The following IQCJ variants were observed in gnomAD, a reference collection of about 807,000 sequenced individuals.
The protein encoded by IQCJ is IQ domain-containing protein J.
In IQCJ, 9 loss-of-function variants were observed where a neutral mutation model predicts 11.0. The ratio of observed to expected loss-of-function variants is 0.82; its 90% CI spans 0.49 to 1.43. The LOEUF is 1.43. Among genes scored for constraint, IQCJ ranks in the 40% most tolerant of loss-of-function variants. The probability of loss-of-function intolerance (pLI) is 0.00; values close to 1 mark genes in which losing one functional copy is unlikely to be tolerated. For missense variants in IQCJ, 146 were observed against 133.2 expected, an observed-to-expected ratio of 1.10 and a Z score of -0.47; for synonymous variants, 55 against 51.3, an observed-to-expected ratio of 1.07 and a Z score of -0.31.
chr3:159,146,487 C>T (rs1321423316), intron 1 of IQCJ, among the ~76,000 whole-genome samples: 3 of 152,092 alleles, frequency 2.0e-5, no homozygotes, highest in Non-Finnish European at 2.9e-5. Flanking sequence ...CTTCACTTCA[C>T]GATGCAAGCT....
At chr3:159,194,953 G>C (rs547879062) in intron 1 of IQCJ, among the ~76,000 whole-genome samples, 8 of 152,018 alleles carry the variant, frequency 5.3e-5, no homozygotes, top group African/African-American at 1.9e-4. Context: ...TCTTCTGAAA[G>C]TACAAAAATT....
intron 1 of IQCJ, among the ~76,000 whole-genome samples, chr3:159,210,266 G>C (rs1300375417): frequency 6.6e-6 from 1 of 152,202 alleles, no homozygotes; most frequent in Non-Finnish European, 1.5e-5. Flanking sequence ...TTGAAACAAT[G>C]TCAGTAATAA....
chr3:159,252,624 A>T, intron 2 of IQCJ, 103 bp from the exon 3 acceptor site: 1 of 1,017,678 alleles, frequency 9.8e-7, no homozygotes. Context: ...AACAAAATTG[A>T]ATCTACATCT....
intron 1 of IQCJ, among the ~76,000 whole-genome samples, chr3:159,071,888 A>G (rs1418937624): frequency 6.6e-6 from 1 of 152,150 alleles, no homozygotes; most frequent in African/African-American, 2.4e-5. Context: ...TAGTTTCCCT[A>G]TTATGTGACC....
At chr3:159,165,374 G>A (rs147760578) in intron 1 of IQCJ, among the ~76,000 whole-genome samples, 227 of 152,298 alleles carry the variant, frequency 1.5e-3, no homozygotes, top group African/African-American at 5.3e-3. Context: ...GCTCAACTCA[G>A]GGACTGACTC....
chr3:159,075,306 T>C (rs1035702056), intron 1 of IQCJ, among the ~76,000 whole-genome samples: 5 of 152,110 alleles, frequency 3.3e-5, no homozygotes, highest in African/African-American at 7.2e-5. Flanking sequence ...AAAACCCTTG[T>C]AGGAATATTA....
At chr3:159,134,542 A>G (rs1037953734) in intron 1 of IQCJ, among the ~76,000 whole-genome samples, 2 of 152,202 alleles carry the variant, frequency 1.3e-5, no homozygotes, top group African/African-American at 4.8e-5. Context: ...AACCACATTT[A>G]TACAAAGAAG....
At chr3:159,206,597 T>G (rs1233047091) in intron 1 of IQCJ, among the ~76,000 whole-genome samples, 1 of 152,234 alleles carries the variant, frequency 6.6e-6, no homozygotes, top group Non-Finnish European at 1.5e-5. Context: ...GTGGATAATG[T>G]GTGTTCATCT....
chr3:159,160,909 A>C (rs1385507104), intron 1 of IQCJ, among the ~76,000 whole-genome samples: 1 of 152,128 alleles, frequency 6.6e-6, no homozygotes, highest in Non-Finnish European at 1.5e-5. Context: ...TATATGCCAC[A>C]CTTTCTTATT....
chr3:159,076,650 G>A (rs1576986782), intron 1 of IQCJ, among the ~76,000 whole-genome samples: 1 of 152,216 alleles, frequency 6.6e-6, no homozygotes, highest in East Asian at 1.9e-4. Context: ...CTCTGGAACA[G>A]GAATAATACT....
chr3:159,189,087 T>A (rs1723536387), intron 1 of IQCJ, among the ~76,000 whole-genome samples: 1 of 152,248 alleles, frequency 6.6e-6, no homozygotes, highest in South Asian at 2.1e-4. Context: ...TCTGTAAGGT[T>A]CCACATTATG....
chr3:159,125,628 A>T (rs549198459), intron 1 of IQCJ, among the ~76,000 whole-genome samples: 1 of 152,340 alleles, frequency 6.6e-6, no homozygotes, highest in Admixed American at 6.5e-5. Flanking sequence ...TTATTTTTTT[A>T]AAAAGGCAAG....
chr3:159,102,615 A>C (rs903684033), intron 1 of IQCJ, among the ~76,000 whole-genome samples: 1 of 152,190 alleles, frequency 6.6e-6, no homozygotes, highest in African/African-American at 2.4e-5. Context: ...TGGCATTTCT[A>C]ATACATTACT....
chr3:159,092,298 G>T (rs1360233197), intron 1 of IQCJ, among the ~76,000 whole-genome samples: 1 of 151,826 alleles, frequency 6.6e-6, no homozygotes, highest in Non-Finnish European at 1.5e-5. Context: ...GGTATCTTTG[G>T]GACTGTTATA....
Position 159,114,159 on chromosome 3 carries a change from C to G in IQCJ, c.9+44718C>G, listed in dbSNP as rs532559740. Among the ~76,000 whole-genome samples the G allele has an allele frequency of 3.9e-5, 6 of 152,256 alleles. No homozygotes were observed. The South Asian group carries it at 1.2e-3, about 32-fold the overall frequency. On this transcript the variant is annotated intron_variant, in intron 1 of 3. Transcript: ENST00000397832. ...GTTGAGGAAGGATGGAAGCTGACCT[C>G]GCATTGTCTGCATGCACTGGGTGTC...
intron 1 of IQCJ, among the ~76,000 whole-genome samples, chr3:159,093,152 A>G (rs1398355361): frequency 3.3e-5 from 5 of 151,906 alleles, no homozygotes; most frequent in Non-Finnish European, 5.9e-5. Flanking sequence ...TGTGTCCTTC[A>G]GAATCTTCTA....
chr3:159,241,799 A>G (rs1183392604), intron 1 of IQCJ, among the ~76,000 whole-genome samples: 1 of 152,236 alleles, frequency 6.6e-6, no homozygotes, highest in African/African-American at 2.4e-5. Context: ...GTGACAAAAA[A>G]CCTACTTCCA....
chr3:159,232,037 C>T (rs1259920605), intron 1 of IQCJ, among the ~76,000 whole-genome samples: 2 of 152,056 alleles, frequency 1.3e-5, no homozygotes, highest in Non-Finnish European at 2.9e-5. Flanking sequence ...CTTTATTAGT[C>T]TGGCTAGTGG....
intron 1 of IQCJ, among the ~76,000 whole-genome samples, chr3:159,207,377 CT>C (rs1430310319): frequency 8.5e-5 from 13 of 152,124 alleles, no homozygotes; most frequent in African/African-American, 3.1e-4. Context: ...TATTGTTTTA[CT>C]TTCTGCCAGC....
Sources: allele counts gnomAD v4.1 joint callset (sites outside exome capture counted in the v4.1 genomes callset), GRCh38; gene constraint gnomAD v4.1.1; transcripts MANE v1.5; gene names NCBI Gene and HGNC (gene_info 2026-07-23, HGNC 2026-07-21).